Variants in CFI observed in about 807,000 individuals in gnomAD.
CFI encodes C3B/C4B inactivator.
In CFI, 66 loss-of-function variants were observed where a neutral mutation model predicts 78.8. The observed-to-expected ratio is 0.84, with a 90% CI of 0.69 to 1.03. The LOEUF (loss-of-function observed/expected upper bound fraction) is 1.03. CFI is among the 50% of genes least tolerant of loss of function. The pLI is 0.00. For synonymous variants in CFI, 250 were observed against 232.6 expected (o/e 1.07, Z -0.68); for missense variants, 706 against 704.5 (o/e 1.00, Z -0.02).
intron 1 of CFI, among the ~76,000 whole-genome samples, chr4:109,790,058 A>G (rs1000367796): frequency 2.0e-5 from 3 of 152,042 alleles, no homozygotes; most frequent in Non-Finnish European, 4.4e-5. Flanking sequence ...GTGTGTTTCT[A>G]GGAATTCATT....
At chr4:109,778,008 T>C (rs1457305725) in intron 1 of CFI, among the ~76,000 whole-genome samples, 2 of 151,546 alleles carry the variant, frequency 1.3e-5, no homozygotes, top group East Asian at 3.9e-4. Context: ...TTTATAGCAC[T>C]AAATGCCCAC....
chr4:109,799,769 A>AC lies in CFI; in HGVS notation c.57+2145dup, dbSNP rs545585962. On this transcript the variant is annotated intron_variant, in intron 1 of 12. Transcript: ENST00000394634. ...TGAATTTCAAAATGTCTTTTTAATGACAATGTGTGAACTTGTTTTAATAAA... is the reference window on the plus strand; with the variant it reads ...TGAATTTCAAAATGTCTTTTTAATGACCAATGTGTGAACTTGTTTTAATAAA... Among the ~76,000 whole-genome samples the AC allele has an allele frequency of 2.4e-3, 359 of 152,344 alleles. 1 individual carries two copies. The highest frequency in any genetic ancestry group is 8.4e-3 in the African/African-American group (348 of 41,584).
chr4:109,752,870 A>G (rs1725307425), intron 7 of CFI, among the ~76,000 whole-genome samples: 2 of 131,858 alleles, frequency 1.5e-5, no homozygotes, highest in Non-Finnish European at 1.6e-5. Context: ...TTGTATATAT[A>G]TATAAAATAT....
At chr4:109,758,629 C>A (rs1335795556) in intron 6 of CFI, among the ~76,000 whole-genome samples, 1 of 152,114 alleles carries the variant, frequency 6.6e-6, no homozygotes, top group East Asian at 1.9e-4. Flanking sequence ...ACAAAATGGA[C>A]ATAGGCAACA....
At chr4:109,767,383 C>G (rs956475013) in intron 1 of CFI, among the ~76,000 whole-genome samples, 25 of 151,608 alleles carry the variant, frequency 1.6e-4, no homozygotes, top group African/African-American at 5.5e-4. Flanking sequence ...ATCTACTCAT[C>G]TGACAAAGGG....
Position 109,785,855 on chromosome 4 carries a change from G to A in CFI, c.57+16060C>T, listed in dbSNP as rs1009203731. Among the ~76,000 whole-genome samples the A allele has an allele frequency of 2.6e-5, 4 of 152,016 alleles. No individual in the cohort carries two copies. In the East Asian group the frequency reaches 7.7e-4, roughly 29 times the overall value. On this transcript the variant is annotated intron_variant, in intron 1 of 12. Transcript: ENST00000394634. ...CCTTCACTTAATACTTCCTCCTGCC[G>A]CTTTGTGAGAAGGTGCCTTGCTTCC...
At chr4:109,752,635 A>C in intron 7 of CFI, 132 bp from the exon 8 acceptor site, 1 of 747,538 alleles carries the variant, frequency 1.3e-6, no homozygotes, top group Non-Finnish European at 2.3e-6. Flanking sequence ...AGAACTGTAC[A>C]AAATCCCCAA....
chr4:109,744,201 AAAAT>A (rs1724146990), intron 11 of CFI, among the ~76,000 whole-genome samples: 1 of 152,212 alleles, frequency 6.6e-6, no homozygotes, highest in South Asian at 2.1e-4. Context: ...AATATTTTTA[AAAAT>A]AAATGAGGAA....
downstream of CFI, among the ~76,000 whole-genome samples, chr4:109,737,126 C>G (rs1033803408): frequency 3.3e-5 from 5 of 152,172 alleles, no homozygotes; most frequent in Non-Finnish European, 7.3e-5. Flanking sequence ...TCTTAACCAT[C>G]TTCCATACCC....
intron 1 of CFI, among the ~76,000 whole-genome samples, chr4:109,772,784 A>G (rs12506605): frequency 0.23 from 34,383 of 151,978 alleles, 4,638 homozygotes; most frequent in Admixed American, 0.35. Flanking sequence ...GGGCCTCACT[A>G]TGTTGCCCAG....
intron 10 of CFI, 101 bp from the exon 11 acceptor site, chr4:109,746,603 C>A: frequency 9.9e-7 from 1 of 1,008,260 alleles, no homozygotes; most frequent in Admixed American, 2.9e-5. Context: ...AAACCTTTTT[C>A]ATTTCCCCAG....
At chr4:109,747,761 G>A (rs1724657212) in intron 10 of CFI, among the ~76,000 whole-genome samples, 1 of 152,182 alleles carries the variant, frequency 6.6e-6, no homozygotes, top group Non-Finnish European at 1.5e-5. Context: ...TTTTGTGGAA[G>A]ACAATTTTTC....
rs562179220 is a variant in CFI, at chr4:109,771,541, C to T, written c.58-4717G>A. ...CCAACATGATGAAACCCCATCTCTACTAAAAATACAAAAAAAAAAAAAATT... is the reference window on the plus strand; with the variant it reads ...CCAACATGATGAAACCCCATCTCTATTAAAAATACAAAAAAAAAAAAAATT... On this transcript the variant is annotated intron_variant, in intron 1 of 12. Coordinates refer to ENST00000394634, the MANE Select transcript of CFI (RefSeq NM_000204.5). Among the ~76,000 whole-genome samples, 354 of 146,204 alleles carry T rather than the reference C, an allele frequency of 2.4e-3. 1 individual carries two copies. Among genetic ancestry groups the T allele is most frequent in the African/African-American group, 8.9e-3 (338 of 37,850 alleles).
chr4:109,764,745 TAATTA>T, intron 2 of CFI, 55 bp from the exon 3 acceptor site: 3 of 1,491,600 alleles, frequency 2.0e-6, no homozygotes, highest in Non-Finnish European at 2.8e-6. Flanking sequence ...TTTTTTCTCT[TAATTA>T]AAAGTCTTTA....
At position 109,783,811 on chromosome 4, in the gene CFI, TG is replaced by T. The variant is rs1730368149; in HGVS notation, c.58-16988del. 1.1e-3 allele frequency among the ~76,000 whole-genome samples: 113 copies of T among 105,826 alleles called. 12 individuals are homozygous for T. The highest frequency in any genetic ancestry group is 4.1e-3 in the African/African-American group (109 of 26,552). The allele number at this position is 105,826 out of a possible 152,430, so 69.4% of individuals were successfully genotyped here. ...ATTCAATGAGTGGATAAAGAAACTG[TG>T]ATATATATATATATATATATATGAT... On this transcript the variant is annotated intron_variant, in intron 1 of 12. Transcript: ENST00000394634.
chr4:109,773,567 G>A (rs1286376826), intron 1 of CFI, among the ~76,000 whole-genome samples: 1 of 152,122 alleles, frequency 6.6e-6, no homozygotes, highest in East Asian at 1.9e-4. Context: ...GTTGGGGATT[G>A]GTTCTTACTG....
chr4:109,774,957 A>T (rs1457384487), intron 1 of CFI, among the ~76,000 whole-genome samples: 1 of 152,120 alleles, frequency 6.6e-6, no homozygotes, highest in African/African-American at 2.4e-5. Flanking sequence ...TCTTCTTAGC[A>T]CTGCCTTTCC....
rs566322082 is a variant in CFI at position 109,741,667 on chromosome 4, A to C, written c.1535-557T>G. 1.6e-4 allele frequency among the ~76,000 whole-genome samples: 25 copies of C among 152,304 alleles called. No individual in the cohort carries two copies. The South Asian group carries it at 5.2e-3, about 32-fold the overall frequency. ...ACTCCCTTTTGGGAGATTTTGTGCT[A>C]TTCACCTATTTTGTCCACTGTAATC... On this transcript the variant is annotated intron_variant, in intron 12 of 12. Coordinates refer to ENST00000394634, the MANE Select transcript of CFI (RefSeq NM_000204.5).
intron 1 of CFI, among the ~76,000 whole-genome samples, chr4:109,797,536 C>T (rs113448557): frequency 7.5e-4 from 113 of 150,578 alleles, no homozygotes; most frequent in African/African-American, 2.4e-3. Flanking sequence ...TTGACTATGA[C>T]GACAAAAGCA....
Sources: allele counts gnomAD v4.1 joint callset (sites outside exome capture counted in the v4.1 genomes callset), GRCh38; gene constraint gnomAD v4.1.1; transcripts MANE v1.5; gene names NCBI Gene and HGNC (gene_info 2026-07-23, HGNC 2026-07-21).